GPX5: variants seen among roughly 807,000 people sequenced by gnomAD.
The protein encoded by GPX5 is glutathione peroxidase 5, also known as epididymal secretory glutathione peroxidase.
Under a neutral mutation model 23.8 loss-of-function variants are expected in GPX5, and 20 were observed. The observed-to-expected ratio is 0.84, with a 90% CI of 0.59 to 1.22. The LOEUF is 1.22. GPX5 is among the 50% of genes most tolerant of loss of function. The pLI, the probability that GPX5 is intolerant of heterozygous loss-of-function variation, is 0.00. For synonymous variants in GPX5, 92 were observed against 99.5 expected (o/e 0.92, Z 0.45); for missense variants, 230 against 266.6 (o/e 0.86, Z 0.96).
intron 3 of GPX5, 89 bp from the exon 4 acceptor site, chr6:28,532,232 C>G (rs958100259): frequency 2.5e-6 from 2 of 801,616 alleles, no homozygotes; most frequent in African/African-American, 3.5e-5. Context: ...CTCTTTCTCC[C>G]CTTTCTCATG....
At chr6:28,533,917 G>T (rs779211755) in intron 4 of GPX5, 44 bp from the exon 5 acceptor site, 2 of 1,318,794 alleles carry the variant, frequency 1.5e-6, no homozygotes, top group African/African-American at 1.5e-5. Context: ...GATCATCCAG[G>T]AGCAGAAATA....
chr6:28,534,158 A>G lies in GPX5; in HGVS notation c.657A>G (p.Lys219=), dbSNP rs764511160. 39 of 1,587,222 alleles carry G rather than the reference A, an allele frequency of 2.5e-5. No homozygotes were observed. The highest frequency in any genetic ancestry group is 3.1e-5 in the Non-Finnish European group (36 of 1,167,978). Residue 219 remains lysine, a synonymous_variant, in exon 5 of 5, where the codon AAA becomes AAG. Transcript: ENST00000412168. ...TCCTGGCGTACTTGAAGCAATTCAA[A>G]ACCAAATAGGAAGGTGGAGTTAAGG... The part of the protein sequence containing the change: ...TDILAYLKQF[K]TK
chr6:28,531,937 CT>C, intron 3 of GPX5, 42 bp downstream of exon 3: 1 of 1,379,766 alleles, frequency 7.2e-7, no homozygotes. Flanking sequence ...GCCTGTGTAC[CT>C]TTCCTCAGTC....
chr6:28,528,246 T>G (rs1330396279), intron 1 of GPX5: 7 of 152,212 alleles, frequency 4.6e-5, no homozygotes. Flanking sequence ...AGAAATTTAT[T>G]CAAGGTGGGG....
At chr6:28,533,353 C>T (rs770176134) in intron 4 of GPX5, among the ~76,000 whole-genome samples, 4 of 152,080 alleles carry the variant, frequency 2.6e-5, no homozygotes, top group Non-Finnish European at 5.9e-5. Flanking sequence ...CATGCCTCTG[C>T]ACCCCAGCCT....
At position 28,526,060 on chromosome 6, in the gene GPX5, C is replaced by T; in HGVS notation, c.47C>T (p.Ala16Val). 6.2e-7 allele frequency: 1 copy of T among 1,613,078 alleles called. No homozygotes were observed. Reference protein sequence around the residue: ...RVVHLLPLLLACFVQTSPKQE... With the variant: ...RVVHLLPLLLVCFVQTSPKQE... ...GTCCATCTGCTTCCCCTTCTCCTAG[C>T]CTGCTTTGTGCAAACAAGTCCCAAG... is the stretch of plus-strand genomic sequence containing the variant. The change falls in exon 1 of 5, where the codon GCC (alanine) becomes GTC (valine). Residue 16 changes from alanine to valine, a missense_variant. Ala to Val is a moderately conservative substitution (Grantham distance 64). Coordinates refer to ENST00000412168, the MANE Select transcript of GPX5 (RefSeq NM_001509.3).
chr6:28,532,222 C>G lies in GPX5; in HGVS notation c.360-99C>G. On this transcript the variant is annotated intron_variant, in intron 3 of 4. Coordinates refer to ENST00000412168, the MANE Select transcript of GPX5 (RefSeq NM_001509.3). ...CCTCCCCACCCACAACGATACTTCC[C>G]TCTTTCTCCCCTTTCTCATGACTTC... 5.3e-6 allele frequency: 4 copies of G among 759,872 alleles called. No individual in the cohort carries two copies. The South Asian group carries it at 7.6e-5, about 14-fold the overall frequency. 47.1% of individuals were successfully genotyped at this position (759,872 alleles called of 1,614,324 possible).
intron 1 of GPX5, among the ~76,000 whole-genome samples, chr6:28,528,829 A>G (rs9717565): frequency 0.062 from 16 of 258 alleles, 2 homozygotes; most frequent in South Asian, 0.12. Context: ...ATATATATAT[A>G]TATATATATA....
chr6:28,525,946 A>G lies in GPX5; in HGVS notation c.-68A>G, dbSNP rs1050583350. 8.5e-7 allele frequency: 1 copy of G among 1,176,168 alleles called. No homozygotes were observed. The highest frequency in any genetic ancestry group is 1.5e-5 in the African/African-American group (1 of 66,594). 72.9% of individuals were successfully genotyped at this position (1,176,168 alleles called of 1,614,324 possible). ...GGGCTTGGGCTAAGTCCCTGCCAAG[A>G]TACCAAAAGACTGCAGAGGTGGGCA... is the stretch of plus-strand genomic sequence containing the variant. On this transcript the variant is annotated 5_prime_UTR_variant, in exon 1 of 5. Coordinates refer to ENST00000412168, the MANE Select transcript of GPX5 (RefSeq NM_001509.3).
rs190245010 is a variant in GPX5, at chr6:28,528,942, G to A, written c.88-509G>A. Among the ~76,000 whole-genome samples, 607 of 148,464 alleles carry A rather than the reference G, an allele frequency of 4.1e-3. 6 individuals carry two copies. The highest frequency in any genetic ancestry group is 0.012 in the Admixed American group (183 of 14,834). On this transcript the variant is annotated intron_variant, in intron 1 of 4. Transcript: ENST00000412168. Reference sequence around the variant, plus strand: ...TTATAATCACATTATGGAAAATGGGGTATCCATCCCCTCAAGGATTTCTCC... The same window carrying A: ...TTATAATCACATTATGGAAAATGGGATATCCATCCCCTCAAGGATTTCTCC...
In GPX5 at chr6:28,534,174, G is replaced by A. The variant is rs757812985; in HGVS notation, c.*7G>A. ...GCAATTCAAAACCAAATAGGAAGGT[G>A]GAGTTAAGGGCAGGAGCAACCCTAC... On this transcript the variant is annotated 3_prime_UTR_variant, in exon 5 of 5. Transcript: ENST00000412168. 5.8e-6 allele frequency: 9 copies of A among 1,561,278 alleles called. No homozygotes were observed. Among genetic ancestry groups the A allele is most frequent in the Non-Finnish European group, 7.8e-6 (9 of 1,155,138 alleles).
intron 3 of GPX5, 146 bp downstream of exon 3, chr6:28,532,041 T>A: frequency 1.4e-6 from 1 of 736,584 alleles, no homozygotes; most frequent in Non-Finnish European, 2.4e-6. Context: ...TGGCCTACCG[T>A]GATGAGCGTC....
In GPX5 at chr6:28,525,888, G is replaced by A. The variant is rs749208904; in HGVS notation, c.-126G>A. ...GATCCTCACCCCGACCTCATGCGTC[G>A]GGAATCCTTGCAGCCCTGTGACTGG... On this transcript the variant is annotated 5_prime_UTR_variant, in exon 1 of 5. Coordinates refer to ENST00000412168, the MANE Select transcript of GPX5 (RefSeq NM_001509.3). 9 of 726,300 alleles carry A rather than the reference G, an allele frequency of 1.2e-5. No homozygotes were observed. Among genetic ancestry groups the A allele is most frequent in the Admixed American group, 2.0e-5 (1 of 49,074 alleles). 45.0% of individuals were successfully genotyped at this position (726,300 alleles called of 1,614,324 possible). A position where few individuals can be genotyped will look rare whatever the true frequency, so the allele number is the denominator to read the frequency against.
rs998222244 is a variant in GPX5 at position 28,531,505 on chromosome 6, C to T, written c.242-273C>T. 3.3e-5 allele frequency among the ~76,000 whole-genome samples: 5 copies of T among 151,684 alleles called. No individual in the cohort carries two copies. In the East Asian group the frequency reaches 5.8e-4, roughly 18 times the overall value. Reference sequence around the variant, plus strand: ...GAACAGAAAACTCTCTGAAATGGGACCTGGGCATCCCTATTTTTAGGAAAG... The same window carrying T: ...GAACAGAAAACTCTCTGAAATGGGATCTGGGCATCCCTATTTTTAGGAAAG... On this transcript the variant is annotated intron_variant, in intron 2 of 4. Transcript: ENST00000412168.
chr6:28,532,757 A>G (rs1562011149), intron 4 of GPX5, among the ~76,000 whole-genome samples: 1 of 152,218 alleles, frequency 6.6e-6, no homozygotes, highest in Non-Finnish European at 1.5e-5. Context: ...TAATAAGGAT[A>G]TAAAGATGAA....
In GPX5 at chr6:28,532,388, GA is replaced by G; in HGVS notation, c.432del (p.Glu145AsnfsTer8). On this transcript the variant is annotated frameshift_variant, in exon 4 of 5. Coordinates refer to ENST00000412168, the MANE Select transcript of GPX5 (RefSeq NM_001509.3). LOFTEE classifies it high-confidence loss of function. ...QLFEKGDVNGEKEQKVFSFLK... is the reference protein window; with the variant it reads ...QLFEKGDVNGXKEQKVFSFLK... ...TTTTGAGAAAGGGGATGTGAATGGT[GA>G]AAAAGAACAGAAAGTCTTCAGTTTC... 6.3e-7 allele frequency: 1 copy of G among 1,594,170 alleles called. No individual in the cohort carries two copies. Among genetic ancestry groups the G allele is most frequent in the South Asian group, 1.2e-5 (1 of 86,906 alleles).
chr6:28,533,478 G>A (rs889142205), intron 4 of GPX5, among the ~76,000 whole-genome samples: 1 of 152,126 alleles, frequency 6.6e-6, no homozygotes, highest in African/African-American at 2.4e-5. Flanking sequence ...CACAAATTAT[G>A]ACCCACACGC....
Position 28,534,298 on chromosome 6 carries a change from C to T in GPX5, c.*131C>T. On this transcript the variant is annotated 3_prime_UTR_variant, in exon 5 of 5. Coordinates refer to ENST00000412168, the MANE Select transcript of GPX5 (RefSeq NM_001509.3). ...CTGCATGGGCTCCACCTGAGTAAATCACCGCCACATACTGCCAGAATTCCC... is the reference window on the plus strand; with the variant it reads ...CTGCATGGGCTCCACCTGAGTAAATTACCGCCACATACTGCCAGAATTCCC... The T allele has an allele frequency of 1.8e-6, 1 of 555,016 alleles. No individual in the cohort carries two copies. Among genetic ancestry groups the T allele is most frequent in the Non-Finnish European group, 3.1e-6 (1 of 326,214 alleles). 34.4% of individuals were successfully genotyped at this position (555,016 alleles called of 1,614,324 possible). A position where few individuals can be genotyped will look rare whatever the true frequency, so the allele number is the denominator to read the frequency against.
At chr6:28,528,573 C>T (rs911279286) in intron 1 of GPX5, 1 of 152,038 alleles carries the variant, frequency 6.6e-6, no homozygotes, top group African/African-American at 2.4e-5. Context: ...CAATCCAGAG[C>T]CAAGGAGTAG....
Sources: allele counts gnomAD v4.1 joint callset (sites outside exome capture counted in the v4.1 genomes callset), GRCh38; gene constraint gnomAD v4.1.1; transcripts MANE v1.5; gene names NCBI Gene and HGNC (gene_info 2026-07-23, HGNC 2026-07-21).